The following GRIA3 variants were observed in gnomAD, a reference collection of about 807,000 sequenced individuals.
GRIA3 encodes glutamate receptor 3.
GRIA3 carries 3 observed loss-of-function variants against 63.0 expected under a neutral mutation model. The observed-to-expected ratio is 0.05, with a 90% CI of 0.02 to 0.12. The LOEUF is 0.12. Among genes scored for constraint, GRIA3 ranks in the 10% least tolerant of loss-of-function variants. GRIA3 has a pLI of 1.00. For missense variants in GRIA3, 347 were observed against 700.9 expected (o/e 0.50, Z 5.70); for synonymous variants, 274 against 257.9 (o/e 1.06, Z -0.60).
chrX:123,226,735 T>C (rs2044249628), intron 2 of GRIA3, among the ~76,000 whole-genome samples: 2 of 111,497 alleles, frequency 1.8e-5, no homozygotes, highest in Non-Finnish European at 3.8e-5. Flanking sequence ...ACATAATAAT[T>C]AAAAGGCAGA....
intron 2 of GRIA3, among the ~76,000 whole-genome samples, chrX:123,231,107 C>A (rs2044273817): frequency 9.0e-6 from 1 of 111,568 alleles, no homozygotes; most frequent in Non-Finnish European, 1.9e-5. Context: ...ATGAGGAATC[C>A]ACTAATTAAA....
chrX:123,276,214 G>A (rs2044553779), intron 3 of GRIA3, among the ~76,000 whole-genome samples: 1 of 111,723 alleles, frequency 9.0e-6, no homozygotes, highest in Admixed American at 9.5e-5. Flanking sequence ...TTTTCTTTTA[G>A]TTCCAGAACC....
At chrX:123,452,441 C>CT (rs1300929373) in intron 12 of GRIA3, among the ~76,000 whole-genome samples, 1 of 110,275 alleles carries the variant, frequency 9.1e-6, no homozygotes, top group Non-Finnish European at 1.9e-5. Context: ...TTCTTCATTG[C>CT]TTTTTTCTCC....
At chrX:123,457,231 T>G (rs896777762) in intron 12 of GRIA3, among the ~76,000 whole-genome samples, 8 of 111,335 alleles carry the variant, frequency 7.2e-5, no homozygotes, top group African/African-American at 2.6e-4. Context: ...GAATCCCCTA[T>G]TCAAATCAAA....
In GRIA3 at chrX:123,347,826, A is replaced by G. The variant is rs760920875; in HGVS notation, c.697-7084A>G. Among the ~76,000 whole-genome samples the G allele has an allele frequency of 1.5e-3, 164 of 112,328 alleles. 1 individual carries two copies. Among genetic ancestry groups the G allele is most frequent in the African/African-American group, 5.1e-3 (158 of 31,013 alleles). On this transcript the variant is annotated intron_variant, in intron 4 of 15. Transcript: ENST00000620443. ...GTTTGCAGCTTTAAGGGCAACTCAG[A>G]TAACATTTATAAAGAATTTTAGACT...
chrX:123,455,116 G>A (rs1414931420), intron 12 of GRIA3, among the ~76,000 whole-genome samples: 2 of 111,868 alleles, frequency 1.8e-5, no homozygotes, highest in African/African-American at 6.5e-5. Context: ...CAACTCCAAT[G>A]AAGTTATCTA....
At chrX:123,463,658 AAGAAAGAAAGAAAGAAAGAAAGAAAG>A in intron 12 of GRIA3, among the ~76,000 whole-genome samples, 2 of 52,530 alleles carry the variant, frequency 3.8e-5, no homozygotes, top group African/African-American at 2.2e-4. Context: ...GAAAGAAAGA[AAGAAAGAAAGAAAGAAAGAAAGAAAG>A]AGAGAGAAAG....
rs1368437781 is a variant in GRIA3 at position 123,268,263 on chromosome X, C to T, written c.508+14721C>T. ...AACTATTTCACAGAAGCATTTTATA[C>T]CTCTGAGAGGCTGAGAAAAAGGCTT... On this transcript the variant is annotated intron_variant, in intron 3 of 15. Transcript: ENST00000620443. 3.6e-5 allele frequency among the ~76,000 whole-genome samples: 4 copies of T among 110,994 alleles called. No individual in the cohort carries two copies. In the East Asian group the frequency reaches 1.1e-3, roughly 31 times the overall value.
At chrX:123,428,172 T>C (rs1270434031) in intron 12 of GRIA3, 33 bp downstream of exon 12, 2 of 945,623 alleles carry the variant, frequency 2.1e-6, no homozygotes, top group African/African-American at 3.8e-5. Context: ...AGCCTGCTGA[T>C]ATTTATTTTA....
At chrX:123,260,525 A>G (rs5911564) in intron 3 of GRIA3, among the ~76,000 whole-genome samples, 514 of 8,012 alleles carry the variant, frequency 0.064, 36 homozygotes, top group East Asian at 0.14. Flanking sequence ...AGAAAGAAAG[A>G]AAGGAAAGAA....
At chrX:123,246,414 CT>C (rs1234808567) in intron 2 of GRIA3, among the ~76,000 whole-genome samples, 2 of 111,434 alleles carry the variant, frequency 1.8e-5, no homozygotes, top group African/African-American at 6.5e-5. Context: ...GTTTTCTTGT[CT>C]TTTTCAACTT....
At chrX:123,424,280 A>C (rs180820726) in intron 11 of GRIA3, among the ~76,000 whole-genome samples, 1 of 112,054 alleles carries the variant, frequency 8.9e-6, no homozygotes, top group East Asian at 2.8e-4. Flanking sequence ...GTCACTTTTT[A>C]TATAACCTCC....
intron 15 of GRIA3, among the ~76,000 whole-genome samples, chrX:123,484,005 T>A (rs2045928054): frequency 1.8e-5 from 2 of 111,811 alleles, no homozygotes; most frequent in South Asian, 7.5e-4. Flanking sequence ...GGAGAGGTGG[T>A]TCTTTTAAGT....
At chrX:123,382,796 C>A (rs1281115109) in intron 5 of GRIA3, among the ~76,000 whole-genome samples, 1 of 112,026 alleles carries the variant, frequency 8.9e-6, no homozygotes, top group African/African-American at 3.2e-5. Context: ...TTTGGGGGAC[C>A]CTTTCTCCCT....
chrX:123,317,754 C>T (rs766027076), intron 3 of GRIA3, among the ~76,000 whole-genome samples: 4 of 111,831 alleles, frequency 3.6e-5, no homozygotes, highest in South Asian at 3.8e-4. Context: ...TCCAGGTGCA[C>T]GGTGCAAGCT....
At chrX:123,242,180 C>G (rs1002323439) in intron 2 of GRIA3, among the ~76,000 whole-genome samples, 1 of 111,929 alleles carries the variant, frequency 8.9e-6, no homozygotes, top group African/African-American at 3.2e-5. Context: ...ATGGTTTTGG[C>G]TTTAATTATG....
chrX:123,408,570 G>C (rs1308516037), intron 10 of GRIA3, among the ~76,000 whole-genome samples: 1 of 112,057 alleles, frequency 8.9e-6, no homozygotes, highest in Non-Finnish European at 1.9e-5. Context: ...GTGAGTGAGG[G>C]AGCTTGAGTA....
At chrX:123,289,776 C>A (rs373654773) in intron 3 of GRIA3, among the ~76,000 whole-genome samples, 4 of 110,449 alleles carry the variant, frequency 3.6e-5, no homozygotes, top group South Asian at 7.8e-4. Context: ...CTCCACCCCC[C>A]CAACCAAGAC....
intron 2 of GRIA3, among the ~76,000 whole-genome samples, chrX:123,227,536 C>T (rs769291004): frequency 1.8e-5 from 2 of 111,644 alleles, no homozygotes; most frequent in Non-Finnish European, 3.8e-5. Flanking sequence ...TGAGCACCTA[C>T]TATCTGCCAG....
Sources: gnomAD v4.1 joint callset for allele counts (sites outside exome capture counted in the v4.1 genomes callset) on GRCh38, gnomAD v4.1.1 for gene constraint, MANE v1.5 for transcripts, NCBI Gene and HGNC (gene_info 2026-07-23, HGNC 2026-07-21) for gene names.